AUTS2: variants seen among roughly 807,000 people sequenced by gnomAD.
AUTS2 encodes the protein activator of transcription and developmental regulator AUTS2.
A neutral mutation model predicts 112.4 loss-of-function variants in AUTS2; 17 were observed. That is an observed-to-expected ratio of 0.15 (90% confidence interval 0.10 to 0.23). The LOEUF is 0.23. AUTS2 is among the 10% of genes least tolerant of loss of function. AUTS2 has a pLI of 1.00. For synonymous variants in AUTS2, 751 were observed against 702.7 expected, an observed-to-expected ratio of 1.07 and a Z score of -1.09; for missense variants, 1,510 against 1,701.6, an observed-to-expected ratio of 0.89 and a Z score of 1.98.
At chr7:70,136,833 C>G (rs4557583) in intron 4 of AUTS2, among the ~76,000 whole-genome samples, 12,163 of 152,210 alleles carry the variant, frequency 0.08, 627 homozygotes, top group African/African-American at 0.13. Flanking sequence ...TTTTCTTGAA[C>G]ACTGTCCCAA....
At chr7:69,783,571 C>G (rs996546814) in intron 1 of AUTS2, among the ~76,000 whole-genome samples, 29 of 152,076 alleles carry the variant, frequency 1.9e-4, no homozygotes, top group African/African-American at 6.5e-4. Context: ...CCCTCCCCTT[C>G]TCTTCTCCTT....
intron 1 of AUTS2, among the ~76,000 whole-genome samples, chr7:69,633,269 G>T (rs186775691): frequency 6.6e-6 from 1 of 151,954 alleles, no homozygotes; most frequent in Admixed American, 6.6e-5. Context: ...TGGTAAGATT[G>T]AGTTTTTTTA....
chr7:69,648,518 A>G (rs928085088), intron 1 of AUTS2, among the ~76,000 whole-genome samples: 5 of 151,220 alleles, frequency 3.3e-5, no homozygotes, highest in Admixed American at 6.6e-5. Flanking sequence ...TTGGAGTGGG[A>G]TGGGATTTTT....
chr7:70,065,189 C>A (rs573104729), intron 2 of AUTS2, among the ~76,000 whole-genome samples: 24 of 152,106 alleles, frequency 1.6e-4, no homozygotes, highest in Non-Finnish European at 3.1e-4. Context: ...TGAACCCCAA[C>A]CCTCCCCTAG....
intron 5 of AUTS2, among the ~76,000 whole-genome samples, chr7:70,479,764 A>T (rs1002897217): frequency 7.2e-5 from 11 of 152,202 alleles, no homozygotes; most frequent in Admixed American, 5.9e-4. Flanking sequence ...CTATAAAACA[A>T]AGATGGGGGT....
chr7:70,491,016 T>C (rs1798207403), intron 5 of AUTS2, among the ~76,000 whole-genome samples: 1 of 152,182 alleles, frequency 6.6e-6, no homozygotes, highest in Admixed American at 6.5e-5. Flanking sequence ...GGGTGTGGCA[T>C]GGGCCAGTTT....
At chr7:70,633,780 G>A (rs1805396947) in intron 5 of AUTS2, among the ~76,000 whole-genome samples, 1 of 152,092 alleles carries the variant, frequency 6.6e-6, no homozygotes, top group Admixed American at 6.6e-5. Flanking sequence ...TCTGGGTGTG[G>A]TAATGTTCTT....
At chr7:70,557,759 G>A (rs150605217) in intron 5 of AUTS2, among the ~76,000 whole-genome samples, 1 of 152,318 alleles carries the variant, frequency 6.6e-6, no homozygotes, top group East Asian at 1.9e-4. Context: ...GGAGCAGTCA[G>A]ATCTGATGCT....
At chr7:69,695,316 A>G (rs2129182756) in intron 1 of AUTS2, among the ~76,000 whole-genome samples, 1 of 152,312 alleles carries the variant, frequency 6.6e-6, no homozygotes, top group African/African-American at 2.4e-5. Context: ...GCAACAGATC[A>G]AGACTCTTGT....
chr7:69,848,000 T>A (rs1792286783), intron 1 of AUTS2, among the ~76,000 whole-genome samples: 1 of 152,214 alleles, frequency 6.6e-6, no homozygotes, highest in Non-Finnish European at 1.5e-5. Flanking sequence ...GGTGGGAGGT[T>A]CTGATTCTGC....
At position 69,779,782 on chromosome 7, in the gene AUTS2, T is replaced by TA. The variant is rs975513298; in HGVS notation, c.310-119495dup. The stretch of plus-strand genomic sequence containing the variant: ...CCATCTCAAAAAAAAAAAAAAAAAT[T>TA]AAAAAAAAATATATATATGGAAATA... On this transcript the variant is annotated intron_variant, in intron 1 of 18. Transcript: ENST00000342771. Among the ~76,000 whole-genome samples the TA allele has an allele frequency of 1.5e-3, 224 of 148,688 alleles. 1 individual carries two copies. The highest frequency in any genetic ancestry group is 4.8e-3 in the African/African-American group (193 of 40,486).
intron 4 of AUTS2, among the ~76,000 whole-genome samples, chr7:70,400,563 G>T (rs1217556030): frequency 6.6e-6 from 1 of 152,172 alleles, no homozygotes; most frequent in African/African-American, 2.4e-5. Flanking sequence ...CAAGGTTCAT[G>T]CTGAGGTAGG....
chr7:70,342,731 A>G (rs2129621025), intron 4 of AUTS2, among the ~76,000 whole-genome samples: 1 of 152,292 alleles, frequency 6.6e-6, no homozygotes, highest in African/African-American at 2.4e-5. Context: ...CACCTTACAC[A>G]TAGCTGCATC....
At chr7:70,472,707 C>G (rs1031433232) in intron 5 of AUTS2, among the ~76,000 whole-genome samples, 5 of 152,154 alleles carry the variant, frequency 3.3e-5, no homozygotes, top group African/African-American at 1.2e-4. Context: ...GGCAATAGAT[C>G]TGTAAGTAGA....
intron 1 of AUTS2, among the ~76,000 whole-genome samples, chr7:69,773,109 G>A (rs140894123): frequency 1.5e-3 from 228 of 152,274 alleles, no homozygotes; most frequent in African/African-American, 5.2e-3. Context: ...AGGTTAGTGC[G>A]CAGCCGACCT....
intron 2 of AUTS2, among the ~76,000 whole-genome samples, chr7:70,024,708 C>T (rs537656504): frequency 2.0e-5 from 3 of 152,016 alleles, no homozygotes; most frequent in Non-Finnish European, 4.4e-5. Flanking sequence ...GGGGGGCTGG[C>T]GAGTCTGAAA....
At chr7:69,754,483 A>C (rs1301694858) in intron 1 of AUTS2, among the ~76,000 whole-genome samples, 1 of 151,986 alleles carries the variant, frequency 6.6e-6, no homozygotes. Context: ...AGTAGGGAGG[A>C]TGGTATGAGA....
intron 1 of AUTS2, among the ~76,000 whole-genome samples, chr7:69,686,166 G>T (rs1347031235): frequency 6.6e-6 from 1 of 152,140 alleles, no homozygotes; most frequent in Non-Finnish European, 1.5e-5. Context: ...GTGATAAAAT[G>T]AATTTCCCCA....
rs139703140 is a variant in AUTS2, at chr7:69,688,588, G to A, written c.309+88626G>A. Among the ~76,000 whole-genome samples the A allele has an allele frequency of 7.8e-4, 118 of 152,190 alleles. 1 individual carries two copies. In the Middle Eastern group the frequency reaches 0.014, roughly 18 times the overall value. On this transcript the variant is annotated intron_variant, in intron 1 of 18. Coordinates refer to ENST00000342771, the MANE Select transcript of AUTS2 (RefSeq NM_015570.4). ...TATAGTGATCAGATCAGGGTAATTA[G>A]CATTCCATCATCTCAAACATTTATC... is the stretch of plus-strand genomic sequence containing the variant.
Sources: allele counts gnomAD v4.1 joint callset (sites outside exome capture counted in the v4.1 genomes callset), GRCh38; gene constraint gnomAD v4.1.1; transcripts MANE v1.5; gene names NCBI Gene and HGNC (gene_info 2026-07-23, HGNC 2026-07-21).